The following TBL1X variants were observed in gnomAD, a reference collection of about 807,000 sequenced individuals.
The protein encoded by TBL1X is F-box-like/WD repeat-containing protein TBL1X.
TBL1X carries 10 observed loss-of-function variants against 50.7 expected under a neutral mutation model. That is an observed-to-expected ratio of 0.20 (90% confidence interval 0.12 to 0.33). The LOEUF (loss-of-function observed/expected upper bound fraction) is 0.33, where lower values mean the gene tolerates loss of function less well. Ranked by LOEUF, TBL1X falls within the 10% of genes least tolerant of loss-of-function variation. The probability of loss-of-function intolerance (pLI) is 1.00; values close to 1 mark genes in which losing one functional copy is unlikely to be tolerated. For synonymous variants in TBL1X, 190 were observed against 214.7 expected (o/e 0.88, Z 1.01); for missense variants, 340 against 504.4 (o/e 0.67, Z 3.12).
At chrX:9,531,354 G>GGTGTGT (rs57905343) in intron 2 of TBL1X, among the ~76,000 whole-genome samples, 5,614 of 74,995 alleles carry the variant, frequency 0.075, 189 homozygotes, top group East Asian at 0.088. Context: ...GAACCTGGAG[G>GGTGTGT]GTGTGTGTGT....
chrX:9,565,515 CACAA>C (rs1366657239), intron 2 of TBL1X, among the ~76,000 whole-genome samples: 1 of 111,096 alleles, frequency 9.0e-6, no homozygotes, highest in African/African-American at 3.3e-5. Flanking sequence ...ATTAGAGTAT[CACAA>C]ACAGACTATT....
chrX:9,577,682 T>G (rs1183486515), intron 2 of TBL1X, among the ~76,000 whole-genome samples: 2 of 111,774 alleles, frequency 1.8e-5, no homozygotes, highest in Non-Finnish European at 3.8e-5. Context: ...AGCCCTGCTT[T>G]CTATTCCGAA....
chrX:9,603,826 G>T (rs2082568930), intron 2 of TBL1X, among the ~76,000 whole-genome samples: 1 of 111,038 alleles, frequency 9.0e-6, no homozygotes, highest in African/African-American at 3.3e-5. Context: ...GATGCTTCCT[G>T]CATCCCCTTG....
intron 5 of TBL1X, among the ~76,000 whole-genome samples, chrX:9,678,021 C>A (rs1369378486): frequency 9.0e-6 from 1 of 110,588 alleles, no homozygotes; most frequent in Non-Finnish European, 1.9e-5. Context: ...CAATATGGTC[C>A]TTCCTTCTTT....
chrX:9,537,231 T>C (rs1220609845), intron 2 of TBL1X, among the ~76,000 whole-genome samples: 1 of 111,611 alleles, frequency 9.0e-6, no homozygotes, highest in East Asian at 2.8e-4. Context: ...TAAAAGGTCC[T>C]GATATTCTTG....
chrX:9,653,840 C>T (rs2082850140), intron 4 of TBL1X, 151 bp downstream of exon 4: 2 of 521,897 alleles, frequency 3.8e-6, no homozygotes, highest in Admixed American at 3.9e-5. Context: ...TTTGGGATTC[C>T]ATTCCTGCCG....
intron 2 of TBL1X, among the ~76,000 whole-genome samples, chrX:9,587,431 G>A: frequency 9.0e-6 from 1 of 111,717 alleles, no homozygotes; most frequent in East Asian, 2.8e-4. Flanking sequence ...ATGAGTGTGT[G>A]TGCCGAGTTC....
chrX:9,688,319 C>A, intron 7 of TBL1X, 44 bp downstream of exon 7: 1 of 1,062,344 alleles, frequency 9.4e-7, no homozygotes, highest in Non-Finnish European at 1.2e-6. Flanking sequence ...TCTCTGGGTT[C>A]ATTGTTTTCT....
At chrX:9,541,942 C>CT (rs747084885) in intron 2 of TBL1X, among the ~76,000 whole-genome samples, 2,275 of 95,269 alleles carry the variant, frequency 0.024, 37 homozygotes, top group African/African-American at 0.037. Context: ...TTTCTTTTTT[C>CT]TTTTTTTTTT....
chrX:9,533,432 C>T (rs1293660665), intron 2 of TBL1X, among the ~76,000 whole-genome samples: 4 of 111,954 alleles, frequency 3.6e-5, no homozygotes, highest in African/African-American at 1.3e-4. Context: ...AAACATAATG[C>T]TGCAGTTCAA....
chrX:9,644,990 T>A (rs1212540038), intron 3 of TBL1X: 4 of 112,395 alleles, frequency 3.6e-5, no homozygotes, highest in Non-Finnish European at 7.5e-5. Flanking sequence ...AAAGCGGCAT[T>A]CCTTTTCTAA....
rs762143943 is a variant in TBL1X at position 9,593,895 on chromosome X, C to T, written c.-130-46378C>T. On this transcript the variant is annotated intron_variant, in intron 2 of 17. Transcript: ENST00000645353. ...CCACCCTTGGGATCCTGGTCACCCC[C>T]TCCACTGCAAGGGGGAGAAGGGCTG... Among the ~76,000 whole-genome samples, 389 of 111,861 alleles carry T rather than the reference C, an allele frequency of 3.5e-3. 1 individual carries two copies. The highest frequency in any genetic ancestry group is 0.012 in the African/African-American group (370 of 30,766).
At chrX:9,708,057 A>G (rs1226761086) in intron 13 of TBL1X, among the ~76,000 whole-genome samples, 1 of 112,194 alleles carries the variant, frequency 8.9e-6, no homozygotes, top group Non-Finnish European at 1.9e-5. Context: ...CAGGTGTCAC[A>G]TGGTGGGACT....
chrX:9,535,446 A>C (rs2146977015), intron 2 of TBL1X, among the ~76,000 whole-genome samples: 1 of 112,062 alleles, frequency 8.9e-6, no homozygotes, highest in East Asian at 2.8e-4. Flanking sequence ...ATGTGTCTGA[A>C]TTCTACCTCC....
At chrX:9,641,755 C>T (rs1032890289) in intron 3 of TBL1X, among the ~76,000 whole-genome samples, 1 of 112,410 alleles carries the variant, frequency 8.9e-6, no homozygotes, top group Non-Finnish European at 1.9e-5. Flanking sequence ...ATAATGTTTT[C>T]AAGGTTCGTG....
intron 2 of TBL1X, among the ~76,000 whole-genome samples, chrX:9,626,381 G>A (rs2082692956): frequency 9.0e-6 from 1 of 111,349 alleles, no homozygotes; most frequent in Non-Finnish European, 1.9e-5. Context: ...TTCAAGATTC[G>A]GTCATCCTTT....
chrX:9,510,384 G>T (rs1426349163), intron 2 of TBL1X, among the ~76,000 whole-genome samples: 1 of 112,239 alleles, frequency 8.9e-6, no homozygotes, highest in Non-Finnish European at 1.9e-5. Flanking sequence ...CCAAGAAGTT[G>T]GGTGGGGAGG....
chrX:9,509,885 CTG>C (rs1352746812), intron 2 of TBL1X, among the ~76,000 whole-genome samples: 1 of 110,931 alleles, frequency 9.0e-6, no homozygotes, highest in Non-Finnish European at 1.9e-5. Context: ...TCTGTGTTGA[CTG>C]TACTGTTGGC....
Position 9,650,344 on chromosome X carries a change from C to CT in TBL1X, c.-42-3191dup, listed in dbSNP as rs1273403697. Among the ~76,000 whole-genome samples, 523 of 108,271 alleles carry CT rather than the reference C, an allele frequency of 4.8e-3. 4 individuals are homozygous for CT. Among genetic ancestry groups the CT allele is most frequent in the African/African-American group, 0.016 (470 of 29,910 alleles). 94.0% of individuals were successfully genotyped at this position (108,271 alleles called of 115,157 possible). On this transcript the variant is annotated intron_variant, in intron 3 of 17. Coordinates refer to ENST00000645353, the MANE Select transcript of TBL1X (RefSeq NM_005647.4). ...TCGTGCTGTGCCTGGAACAGGCTTG[C>CT]TTTTTTTTTTCCCCCAGAGTAAAAG...
Sources: gnomAD v4.1 joint callset for allele counts (sites outside exome capture counted in the v4.1 genomes callset) on GRCh38, gnomAD v4.1.1 for gene constraint, MANE v1.5 for transcripts, NCBI Gene and HGNC (gene_info 2026-07-23, HGNC 2026-07-21) for gene names.